Variants in NIBAN1 observed in about 807,000 individuals in gnomAD.
NIBAN1 encodes the protein protein Niban 1.
In NIBAN1, 81 loss-of-function variants were observed where a neutral mutation model predicts 75.1. The ratio of observed to expected loss-of-function variants is 1.08; its 90% CI spans 0.90 to 1.30. NIBAN1 has a LOEUF of 1.30. Ranked by LOEUF, NIBAN1 falls within the 50% of genes most tolerant of loss-of-function variation. The pLI, the probability that NIBAN1 is intolerant of heterozygous loss-of-function variation, is 0.00. For synonymous variants in NIBAN1, 436 were observed against 424.8 expected (o/e 1.03, Z -0.32); for missense variants, 1,133 against 1,128.1 (o/e 1.00, Z -0.06).
chr1:184,890,244 G>A (rs779383855), intron 3 of NIBAN1, 22 bp from the exon 4 acceptor site: 1 of 1,544,234 alleles, frequency 6.5e-7, no homozygotes, highest in Non-Finnish European at 9.0e-7. Flanking sequence ...AAGGCACACA[G>A]GAATGATATC....
chr1:184,885,981 G>A (rs1656514813), intron 4 of NIBAN1, among the ~76,000 whole-genome samples: 1 of 152,048 alleles, frequency 6.6e-6, no homozygotes, highest in Non-Finnish European at 1.5e-5. Context: ...TGCCTGCCCT[G>A]TTCTGTGCTG....
At chr1:184,894,664 G>A (rs1656753533) in intron 2 of NIBAN1, among the ~76,000 whole-genome samples, 1 of 152,160 alleles carries the variant, frequency 6.6e-6, no homozygotes, top group Non-Finnish European at 1.5e-5. Context: ...TACACCTGCC[G>A]ATGCTGCCTC....
intron 1 of NIBAN1, among the ~76,000 whole-genome samples, chr1:184,901,500 T>C (rs1656954117): frequency 6.6e-6 from 1 of 152,204 alleles, no homozygotes; most frequent in South Asian, 2.1e-4. Context: ...TGGGACAGTG[T>C]GGGAATTCCC....
intron 5 of NIBAN1, among the ~76,000 whole-genome samples, chr1:184,842,533 T>A (rs1311213738): frequency 6.6e-6 from 1 of 152,058 alleles, no homozygotes; most frequent in African/African-American, 2.4e-5. Flanking sequence ...GCAGGCGGAT[T>A]ACCTGGGGTC....
chr1:184,814,210 T>C (rs77965639), intron 9 of NIBAN1, among the ~76,000 whole-genome samples: 11,815 of 152,216 alleles, frequency 0.078, 565 homozygotes, highest in African/African-American at 0.13. Flanking sequence ...TATTGCTTTT[T>C]CCCTAAATTG....
At position 184,794,345 on chromosome 1, in the gene NIBAN1, GCAGGATGAGTAACAGGCCCAGA is replaced by G. The variant is rs1305393965; in HGVS notation, c.*610_*631del. Reference sequence around the variant, plus strand: ...AAGATTAATTAATAAGAAATTGATAGCAGGATGAGTAACAGGCCCAGACAGTCCCACAGATCACACCTTCCAC... The same window carrying G: ...AAGATTAATTAATAAGAAATTGATAGCAGTCCCACAGATCACACCTTCCAC... On this transcript the variant is annotated 3_prime_UTR_variant, in exon 14 of 14. Coordinates refer to ENST00000367511, the MANE Select transcript of NIBAN1 (RefSeq NM_052966.4). 6.5e-6 allele frequency: 1 copy of G among 153,282 alleles called. No individual in the cohort carries two copies. Among genetic ancestry groups the G allele is most frequent in the Non-Finnish European group, 1.5e-5 (1 of 68,902 alleles). The allele number at this position is 153,282 out of a possible 1,614,324, so 9.5% of individuals were successfully genotyped here. A position where few individuals can be genotyped will look rare whatever the true frequency, so the allele number is the denominator to read the frequency against.
intron 5 of NIBAN1, among the ~76,000 whole-genome samples, chr1:184,851,980 C>T (rs191022675): frequency 4.6e-5 from 7 of 152,060 alleles, no homozygotes; most frequent in South Asian, 2.1e-4. Context: ...GCCCAGCACG[C>T]GCCACAGTCC....
chr1:184,822,556 T>A (rs1369931491), intron 8 of NIBAN1, among the ~76,000 whole-genome samples: 1 of 151,904 alleles, frequency 6.6e-6, no homozygotes, highest in East Asian at 1.9e-4. Flanking sequence ...CTCCTGTGGG[T>A]CCTCCTAATT....
chr1:184,927,432 A>G (rs1015536292), intron 1 of NIBAN1, among the ~76,000 whole-genome samples: 1 of 152,180 alleles, frequency 6.6e-6, no homozygotes, highest in African/African-American at 2.4e-5. Flanking sequence ...GTGGTCTTGG[A>G]TAAGATCCAG....
intron 5 of NIBAN1, among the ~76,000 whole-genome samples, chr1:184,860,700 T>C (rs952670574): frequency 6.6e-6 from 1 of 152,168 alleles, no homozygotes; most frequent in East Asian, 1.9e-4. Flanking sequence ...TGAAGAGTAA[T>C]GAGAGTGAGT....
intron 4 of NIBAN1, among the ~76,000 whole-genome samples, chr1:184,889,701 C>T (rs1656616531): frequency 6.6e-6 from 1 of 152,114 alleles, no homozygotes; most frequent in Non-Finnish European, 1.5e-5. Context: ...AGCACATTTT[C>T]CATGTGCTAG....
At chr1:184,856,145 C>T (rs112156850) in intron 5 of NIBAN1, among the ~76,000 whole-genome samples, 3,037 of 152,258 alleles carry the variant, frequency 0.02, 76 homozygotes, top group African/African-American at 0.057. Flanking sequence ...AATGTTCAAT[C>T]ATGTTCACCC....
chr1:184,845,152 G>A (rs1014559834), intron 5 of NIBAN1, among the ~76,000 whole-genome samples: 2 of 152,190 alleles, frequency 1.3e-5, no homozygotes, highest in Non-Finnish European at 2.9e-5. Flanking sequence ...CATTGGGGTG[G>A]CCAAAGGCCT....
intron 4 of NIBAN1, among the ~76,000 whole-genome samples, chr1:184,889,162 TG>T (rs1656604881): frequency 6.6e-6 from 1 of 152,218 alleles, no homozygotes; most frequent in South Asian, 2.1e-4. Context: ...CTCTATGAAT[TG>T]CCTTATTTAG....
rs564479837 is a variant in NIBAN1, at chr1:184,845,749, G to A, written c.602-13787C>T. ...CACTAGGGAGTGCCAGACAGTGGGC[G>A]CAGGCCAGTGTGTGTGCGCACCGTG... On this transcript the variant is annotated intron_variant, in intron 5 of 13. Coordinates refer to ENST00000367511, the MANE Select transcript of NIBAN1 (RefSeq NM_052966.4). Among the ~76,000 whole-genome samples the A allele has an allele frequency of 1.3e-3, 111 of 87,694 alleles. 41 individuals are homozygous for A. Among genetic ancestry groups the A allele is most frequent in the Non-Finnish European group, 2.0e-3 (88 of 43,348 alleles). 57.5% of individuals were successfully genotyped at this position (87,694 alleles called of 152,430 possible). A position where few individuals can be genotyped will look rare whatever the true frequency, so the allele number is the denominator to read the frequency against.
At chr1:184,872,353 C>G (rs1656131863) in intron 5 of NIBAN1, among the ~76,000 whole-genome samples, 1 of 150,822 alleles carries the variant, frequency 6.6e-6, no homozygotes, top group Admixed American at 6.6e-5. Context: ...AATGACAGAG[C>G]ACAGAAACTG....
intron 5 of NIBAN1, among the ~76,000 whole-genome samples, chr1:184,881,100 T>G (rs568581545): frequency 6.9e-6 from 1 of 144,160 alleles, no homozygotes; most frequent in East Asian, 2.0e-4. Flanking sequence ...CATGTGAGCA[T>G]GCACACACAC....
At chr1:184,954,992 G>C (rs1039942610) in intron 1 of NIBAN1, among the ~76,000 whole-genome samples, 3 of 152,032 alleles carry the variant, frequency 2.0e-5, no homozygotes, top group Non-Finnish European at 2.9e-5. Flanking sequence ...AATGTTATTT[G>C]GTCTTCCAGT....
intron 3 of NIBAN1, among the ~76,000 whole-genome samples, chr1:184,893,481 G>A (rs777735096): frequency 6.6e-6 from 1 of 151,552 alleles, no homozygotes; most frequent in African/African-American, 2.4e-5. Flanking sequence ...TACAGACAAG[G>A]AAAATAGTGA....
Sources: gnomAD v4.1 joint callset for allele counts (sites outside exome capture counted in the v4.1 genomes callset) on GRCh38, gnomAD v4.1.1 for gene constraint, MANE v1.5 for transcripts, NCBI Gene and HGNC (gene_info 2026-07-23, HGNC 2026-07-21) for gene names.